Variants in TSC22D3 observed in about 807,000 individuals in gnomAD.
The protein encoded by TSC22D3 is TSC22 domain family protein 3.
A neutral mutation model predicts 11.1 loss-of-function variants in TSC22D3; 4 were observed. The observed-to-expected ratio is 0.36, with a 90% CI of 0.18 to 0.83. The LOEUF is 0.83. Ranked by LOEUF, TSC22D3 falls within the 40% of genes least tolerant of loss-of-function variation. TSC22D3 has a pLI of 0.48. For missense variants in TSC22D3, 118 were observed against 159.4 expected, an observed-to-expected ratio of 0.74 and a Z score of 1.40; for synonymous variants, 77 against 70.3, an observed-to-expected ratio of 1.10 and a Z score of -0.48.
chrX:107,724,649 C>T (rs760181996), intron 1 of TSC22D3, among the ~76,000 whole-genome samples: 1 of 112,359 alleles, frequency 8.9e-6, no homozygotes, highest in African/African-American at 3.2e-5. Flanking sequence ...ATGGCCTCTG[C>T]GCTCTCTGAC....
intron 1 of TSC22D3, among the ~76,000 whole-genome samples, chrX:107,737,156 A>T (rs1252845754): frequency 8.9e-6 from 1 of 112,029 alleles, no homozygotes; most frequent in African/African-American, 3.3e-5. Context: ...TGCAAAGGCC[A>T]GACCACGGCT....
At chrX:107,746,492 C>T in intron 1 of TSC22D3, among the ~76,000 whole-genome samples, 1 of 111,190 alleles carries the variant, frequency 9.0e-6, no homozygotes, top group East Asian at 2.8e-4. Flanking sequence ...CCTTGGTCAT[C>T]CTGACTCTCC....
In TSC22D3 at chrX:107,736,934, A is replaced by G. The variant is rs1043017053; in HGVS notation, c.321-20984T>C. Among the ~76,000 whole-genome samples, 97 of 112,247 alleles carry G rather than the reference A, an allele frequency of 8.6e-4. 2 individuals are homozygous for G. The highest frequency in any genetic ancestry group is 2.9e-3 in the African/African-American group (91 of 30,924). On this transcript the variant is annotated intron_variant, in intron 1 of 2. Coordinates refer to ENST00000372383, the MANE Select transcript of TSC22D3 (RefSeq NM_198057.3). ...TCATAGCCTCTCCAATTCTCAGTTC[A>G]TGGCCTAGAGAGTGGCGTCAAAGCC... is the stretch of plus-strand genomic sequence containing the variant.
intron 1 of TSC22D3, among the ~76,000 whole-genome samples, chrX:107,730,076 T>C (rs1254012032): frequency 1.8e-5 from 2 of 112,600 alleles, no homozygotes; most frequent in African/African-American, 6.5e-5. Context: ...GATTGCTTAG[T>C]GGGCACTGCG....
chrX:107,758,487 G>A (rs1929278783), intron 1 of TSC22D3, among the ~76,000 whole-genome samples: 1 of 111,683 alleles, frequency 9.0e-6, no homozygotes, highest in South Asian at 3.8e-4. Context: ...TAGCTCATCT[G>A]TGCATTATTT....
chrX:107,721,830 T>C, intron 1 of TSC22D3: 1 of 487,176 alleles, frequency 2.1e-6, no homozygotes, highest in Non-Finnish European at 3.8e-6. Context: ...CCCCTCCATC[T>C]GAAGCACTGT....
At chrX:107,731,206 T>G (rs956125010) in intron 1 of TSC22D3, among the ~76,000 whole-genome samples, 2 of 112,238 alleles carry the variant, frequency 1.8e-5, no homozygotes, top group African/African-American at 6.5e-5. Flanking sequence ...GTTCAAATCT[T>G]GCCAAGTTGG....
intron 1 of TSC22D3, among the ~76,000 whole-genome samples, chrX:107,769,715 TCA>T (rs748668681): frequency 0.057 from 5,785 of 101,086 alleles, 156 homozygotes; most frequent in African/African-American, 0.1. Flanking sequence ...TCTTTCTCTT[TCA>T]CACACACACA....
At chrX:107,770,586 G>T (rs954403203) in intron 1 of TSC22D3, among the ~76,000 whole-genome samples, 2 of 111,801 alleles carry the variant, frequency 1.8e-5, no homozygotes, top group African/African-American at 6.5e-5. Context: ...AAGCTTAAAG[G>T]TAGAATCCTA....
rs368573437 is a variant in TSC22D3, at chrX:107,715,915, T to C, written c.356A>G (p.Lys119Arg). 3 of 1,209,852 alleles carry C rather than the reference T, an allele frequency of 2.5e-6. No individual in the cohort carries two copies. In the African/African-American group the frequency reaches 5.3e-5, roughly 21 times the overall value. The change falls in exon 2 of 3, where the codon AAG (lysine) becomes AGG (arginine). Residue 119 changes from lysine (K) to arginine (R), a missense_variant. Transcript: ENST00000372383. ...SGASVVAIDN[K>R]IEQAMDLVKN... The stretch of plus-strand genomic sequence containing the variant: ...GCCACTCACCATGGCCTGTTCGATC[T>C]TGTTGTCTATGGCCACCACGCTGGC...
intron 1 of TSC22D3, among the ~76,000 whole-genome samples, chrX:107,736,096 G>A (rs1928123078): frequency 1.8e-5 from 2 of 111,707 alleles, no homozygotes; most frequent in South Asian, 3.7e-4. Flanking sequence ...GCCTTGGCTC[G>A]CCAGCCACCA....
intron 1 of TSC22D3, among the ~76,000 whole-genome samples, chrX:107,745,626 T>A (rs1386276113): frequency 8.9e-6 from 1 of 112,526 alleles, no homozygotes; most frequent in African/African-American, 3.2e-5. Context: ...AAATTTTAAA[T>A]TTCTAACATG....
Position 107,722,514 on chromosome X carries a change from T to C in TSC22D3, c.321-6564A>G, listed in dbSNP as rs770143988. The stretch of plus-strand genomic sequence containing the variant: ...CCCTAACTTTGGTGGCTCACCATGC[T>C]GGGGGGTGGTTTGTTCTGCCATGTC... On this transcript the variant is annotated intron_variant, in intron 1 of 2. Transcript: ENST00000372383. Among the ~76,000 whole-genome samples, 7 of 112,404 alleles carry C rather than the reference T, an allele frequency of 6.2e-5. No homozygotes were observed. The South Asian group carries it at 2.6e-3, about 41-fold the overall frequency.
intron 1 of TSC22D3, among the ~76,000 whole-genome samples, chrX:107,732,309 C>G (rs1418159750): frequency 9.1e-6 from 1 of 110,129 alleles, no homozygotes; most frequent in Non-Finnish European, 1.9e-5. Context: ...TAGAGCTCTC[C>G]AAGGCCAGGC....
chrX:107,717,790 C>T (rs919277545), intron 1 of TSC22D3, among the ~76,000 whole-genome samples: 1 of 111,957 alleles, frequency 8.9e-6, no homozygotes, highest in Admixed American at 9.4e-5. Flanking sequence ...AGGTGGGTGA[C>T]AGAGGAGGTG....
intron 1 of TSC22D3, among the ~76,000 whole-genome samples, chrX:107,761,095 C>T (rs1929419662): frequency 8.9e-6 from 1 of 112,509 alleles, no homozygotes; most frequent in Non-Finnish European, 1.9e-5. Flanking sequence ...TCTCACTTCA[C>T]TTTCCCAACC....
At chrX:107,758,632 CT>C (rs1261559033) in intron 1 of TSC22D3, among the ~76,000 whole-genome samples, 2 of 111,632 alleles carry the variant, frequency 1.8e-5, no homozygotes, top group Non-Finnish European at 3.8e-5. Context: ...ACCAGTCTCT[CT>C]TTGTAGATTC....
intron 1 of TSC22D3, among the ~76,000 whole-genome samples, chrX:107,740,125 G>A (rs767391895): frequency 6.2e-5 from 7 of 112,140 alleles, no homozygotes; most frequent in Non-Finnish European, 1.3e-4. Flanking sequence ...GAGAGGCAAA[G>A]TAACTTACCC....
chrX:107,735,165 A>AT (rs1254852432), intron 1 of TSC22D3, among the ~76,000 whole-genome samples: 1 of 108,458 alleles, frequency 9.2e-6, no homozygotes, highest in Non-Finnish European at 1.9e-5. Flanking sequence ...TTTTCACTCC[A>AT]TTTTTTCTCC....
Sources: gnomAD v4.1 joint callset for allele counts (sites outside exome capture counted in the v4.1 genomes callset) on GRCh38, gnomAD v4.1.1 for gene constraint, MANE v1.5 for transcripts, NCBI Gene and HGNC (gene_info 2026-07-23, HGNC 2026-07-21) for gene names.